ARHGAP26: variants seen among roughly 807,000 people sequenced by gnomAD.
ARHGAP26 encodes the protein rho GTPase-activating protein 26.
ARHGAP26 carries 38 observed loss-of-function variants against 104.8 expected under a neutral mutation model. That is an observed-to-expected ratio of 0.36 (90% CI 0.28 to 0.48). The LOEUF (loss-of-function observed/expected upper bound fraction) is 0.48. Ranked by LOEUF, ARHGAP26 falls within the 20% of genes least tolerant of loss-of-function variation. ARHGAP26 has a pLI of 0.99. For missense variants in ARHGAP26, 704 were observed against 947.9 expected (o/e 0.74, Z 3.38); for synonymous variants, 341 against 340.0 (o/e 1.00, Z -0.03).
chr5:142,978,901 A>G (rs1313692617), intron 11 of ARHGAP26, among the ~76,000 whole-genome samples: 1 of 152,170 alleles, frequency 6.6e-6, no homozygotes, highest in Non-Finnish European at 1.5e-5. Context: ...TTTTTGAAAA[A>G]GGAATTAAAG....
chr5:143,098,671 A>G (rs1157095814), intron 17 of ARHGAP26, among the ~76,000 whole-genome samples: 3 of 152,244 alleles, frequency 2.0e-5, no homozygotes, highest in Non-Finnish European at 4.4e-5. Context: ...GACTTGAATC[A>G]TGGATCTGTT....
intron 20 of ARHGAP26, among the ~76,000 whole-genome samples, chr5:143,178,034 C>T (rs1169285441): frequency 8.7e-6 from 1 of 114,588 alleles, no homozygotes; most frequent in Non-Finnish European, 1.6e-5. Context: ...GCATCTCACT[C>T]TGTCACCTGG....
Position 143,118,652 on chromosome 5 carries a change from G to C in ARHGAP26, c.1539-2336G>C, listed in dbSNP as rs146516692. On this transcript the variant is annotated intron_variant, in intron 17 of 22. Coordinates refer to ENST00000645722, the MANE Select transcript of ARHGAP26 (RefSeq NM_001135608.3). ...CCAGGTGTGGTGGCGCATGCCTGTA[G>C]TCCTAGCTACTCAGGAGGCTGAGGC... Among the ~76,000 whole-genome samples the C allele has an allele frequency of 1.8e-3, 281 of 152,278 alleles. 2 individuals are homozygous for C. The highest frequency in any genetic ancestry group is 6.8e-3 in the Middle Eastern group (2 of 294).
chr5:142,809,220 C>T (rs1763609532), intron 1 of ARHGAP26, among the ~76,000 whole-genome samples: 1 of 152,092 alleles, frequency 6.6e-6, no homozygotes, highest in African/African-American at 2.4e-5. Context: ...CAGTCTTAGA[C>T]ATTTTTATTA....
intron 5 of ARHGAP26, among the ~76,000 whole-genome samples, chr5:142,893,519 T>A (rs1759014864): frequency 6.6e-6 from 1 of 152,224 alleles, no homozygotes; most frequent in Admixed American, 6.5e-5. Flanking sequence ...TTAGGTTCAC[T>A]TCATATCTTG....
At chr5:143,145,634 G>A (rs1320346174) in intron 19 of ARHGAP26, among the ~76,000 whole-genome samples, 2 of 152,188 alleles carry the variant, frequency 1.3e-5, no homozygotes, top group African/African-American at 2.4e-5. Context: ...TTGGCTCAGT[G>A]TAACTCTTTT....
chr5:142,927,916 G>A (rs751106948), intron 10 of ARHGAP26, among the ~76,000 whole-genome samples: 2 of 152,104 alleles, frequency 1.3e-5, no homozygotes, highest in African/African-American at 2.4e-5. Context: ...TAAGTAATCA[G>A]TTTGGGCTCT....
chr5:143,054,651 G>C lies in ARHGAP26; in HGVS notation c.1373+125G>C, dbSNP rs564321544. ...TGTTTGAGATGTGGAAACAGCTTCT[G>C]TGTGGGTGCGTTTAGCTCAGCTGGT... On this transcript the variant is annotated intron_variant, in intron 15 of 22. Coordinates refer to ENST00000645722, the MANE Select transcript of ARHGAP26 (RefSeq NM_001135608.3). 5 of 639,916 alleles carry C rather than the reference G, an allele frequency of 7.8e-6. No homozygotes were observed. In the South Asian group the frequency reaches 1.0e-4, roughly 13 times the overall value. 39.6% of individuals were successfully genotyped at this position (639,916 alleles called of 1,614,324 possible). A position where few individuals can be genotyped will look rare whatever the true frequency, so the allele number is the denominator to read the frequency against.
intron 11 of ARHGAP26, among the ~76,000 whole-genome samples, chr5:142,967,991 C>T (rs993304842): frequency 2.0e-5 from 3 of 152,106 alleles, no homozygotes; most frequent in Non-Finnish European, 4.4e-5. Context: ...GGCTTGTACT[C>T]GGAATTGTTT....
At chr5:142,797,671 C>A (rs900534654) in intron 1 of ARHGAP26, among the ~76,000 whole-genome samples, 1 of 152,210 alleles carries the variant, frequency 6.6e-6, no homozygotes, top group African/African-American at 2.4e-5. Context: ...CAACCCTCGT[C>A]TGTGATTCCA....
Position 143,228,110 on chromosome 5 carries a change from A to G in ARHGAP26, c.*5664A>G, listed in dbSNP as rs141959771. 6.4e-4 allele frequency: 144 copies of G among 224,168 alleles called. No individual in the cohort carries two copies. The highest frequency in any genetic ancestry group is 2.9e-3 in the African/African-American group (132 of 45,014). The allele number at this position is 224,168 out of a possible 1,614,324, so 13.9% of individuals were successfully genotyped here. On this transcript the variant is annotated 3_prime_UTR_variant, in exon 23 of 23. Transcript: ENST00000645722. ...AGTCCTGGAGAGGTTAAGACATTCTATACTGTTCTACGTCAACCATTTCTA... is the reference window on the plus strand; with the variant it reads ...AGTCCTGGAGAGGTTAAGACATTCTGTACTGTTCTACGTCAACCATTTCTA...
intron 8 of ARHGAP26, among the ~76,000 whole-genome samples, chr5:142,907,143 G>C (rs1173571876): frequency 6.6e-6 from 1 of 152,112 alleles, no homozygotes; most frequent in Non-Finnish European, 1.5e-5. Flanking sequence ...CTGCATCTCT[G>C]GTGTCTCTGA....
At chr5:143,214,722 T>C (rs1810057962) in intron 22 of ARHGAP26, among the ~76,000 whole-genome samples, 1 of 152,094 alleles carries the variant, frequency 6.6e-6, no homozygotes, top group Non-Finnish European at 1.5e-5. Flanking sequence ...AGCAGAGATA[T>C]CCATCAGGTA....
At position 142,931,928 on chromosome 5, in the gene ARHGAP26, CTT is replaced by C. The variant is rs1309647602; in HGVS notation, c.1029-117_1029-116del. 2.9e-5 allele frequency: 27 copies of C among 937,024 alleles called. No individual in the cohort carries two copies. The Admixed American group carries it at 4.8e-4, about 17-fold the overall frequency. 58.0% of individuals were successfully genotyped at this position (937,024 alleles called of 1,614,324 possible). On this transcript the variant is annotated intron_variant, in intron 10 of 22. Coordinates refer to ENST00000645722, the MANE Select transcript of ARHGAP26 (RefSeq NM_001135608.3). ...TAGTAAAGCCGAGTGTTTTGCCCCT[CTT>C]TGTGTTGTTAACCTTAGCAGCCACT...
At position 143,195,624 on chromosome 5, in the gene ARHGAP26, A is replaced by T. The variant is rs1806705064; in HGVS notation, c.1989-11574A>T. Among the ~76,000 whole-genome samples the T allele has an allele frequency of 4.6e-5, 7 of 152,328 alleles. No individual in the cohort carries two copies. The South Asian group carries it at 1.4e-3, about 32-fold the overall frequency. Reference sequence around the variant, plus strand: ...TGTAATAAGTTTCCCAAAATAAAAAAGTCTCTAAAAGAGTCAACATAATTT... The same window carrying T: ...TGTAATAAGTTTCCCAAAATAAAAATGTCTCTAAAAGAGTCAACATAATTT... On this transcript the variant is annotated intron_variant, in intron 20 of 22. Transcript: ENST00000645722.
chr5:143,140,842 C>G (rs1798429810), intron 19 of ARHGAP26, among the ~76,000 whole-genome samples: 1 of 152,102 alleles, frequency 6.6e-6, no homozygotes, highest in South Asian at 2.1e-4. Flanking sequence ...TTTTTTAGTT[C>G]CGTTAATTCA....
intron 20 of ARHGAP26, chr5:143,165,952 A>G (rs764424812): frequency 7.2e-6 from 8 of 1,103,694 alleles, no homozygotes; most frequent in Non-Finnish European, 9.6e-6. Context: ...AGCACTTTGC[A>G]TGGCTTCTGG....
In ARHGAP26 at chr5:143,214,058, T is replaced by C; in HGVS notation, c.2161T>C (p.Ser721Pro). The C allele has an allele frequency of 6.4e-7, 1 of 1,561,066 alleles. No homozygotes were observed. Among genetic ancestry groups the C allele is most frequent in the Non-Finnish European group, 8.7e-7 (1 of 1,148,836 alleles). ...ACKAEHDSELSFTAGTVFDNV... is the reference protein window; with the variant it reads ...ACKAEHDSELPFTAGTVFDNV... ...CAAAGCTGAACATGACTCAGAACTT[T>C]CGTTCACAGCAGGCACGGTCTTCGA... The change falls in exon 22 of 23, where the codon TCG becomes CCG. Residue 721 changes from serine to proline, a missense_variant. By Grantham distance (74) the Ser-to-Pro change is moderately conservative. Transcript: ENST00000645722.
At chr5:143,003,116 A>T (rs1489303598) in intron 11 of ARHGAP26, among the ~76,000 whole-genome samples, 2 of 152,198 alleles carry the variant, frequency 1.3e-5, no homozygotes, top group African/African-American at 4.8e-5. Flanking sequence ...CACCCACAAC[A>T]ATCAGTGTTA....
Sources: gnomAD v4.1 joint callset for allele counts (sites outside exome capture counted in the v4.1 genomes callset) on GRCh38, gnomAD v4.1.1 for gene constraint, MANE v1.5 for transcripts, NCBI Gene and HGNC (gene_info 2026-07-23, HGNC 2026-07-21) for gene names.